The following GALNTL6 variants were observed in gnomAD, a reference collection of about 807,000 sequenced individuals.
The protein encoded by GALNTL6 is polypeptide N-acetylgalactosaminyltransferase-like 6.
GALNTL6 carries 46 observed loss-of-function variants against 73.7 expected under a neutral mutation model. The observed-to-expected ratio is 0.62, with a 90% confidence interval of 0.49 to 0.80. The LOEUF is 0.80. Ranked by LOEUF, GALNTL6 falls within the 30% of genes least tolerant of loss-of-function variation. The pLI is 0.00. For missense variants in GALNTL6, 604 were observed against 755.0 expected (o/e 0.80, Z 2.34); for synonymous variants, 259 against 263.7 (o/e 0.98, Z 0.17).
At chr4:172,939,131 G>A (rs1262269979) in intron 9 of GALNTL6, among the ~76,000 whole-genome samples, 1 of 147,130 alleles carries the variant, frequency 6.8e-6, no homozygotes, top group South Asian at 2.2e-4. Context: ...CTTTAAAAAA[G>A]TTTTTTTTTT....
At chr4:172,282,951 A>G (rs1437991658) in intron 3 of GALNTL6, among the ~76,000 whole-genome samples, 1 of 152,178 alleles carries the variant, frequency 6.6e-6, no homozygotes, top group African/African-American at 2.4e-5. Context: ...AATTAAGTGA[A>G]CTTCTAGGAG....
In GALNTL6 at chr4:172,370,608, G is replaced by A. The variant is rs983139422; in HGVS notation, c.553+21919G>A. Among the ~76,000 whole-genome samples, 60 of 136,216 alleles carry A rather than the reference G, an allele frequency of 4.4e-4. 1 individual carries two copies. The highest frequency in any genetic ancestry group is 1.5e-3 in the African/African-American group (51 of 34,420). The allele number at this position is 136,216 out of a possible 152,430, so 89.4% of individuals were successfully genotyped here. Reference sequence around the variant, plus strand: ...ATCACGCCACTGCACTCCAGCGTGGGCGACAGAGTGAGACTCCATCTCAAA... The same window carrying A: ...ATCACGCCACTGCACTCCAGCGTGGACGACAGAGTGAGACTCCATCTCAAA... On this transcript the variant is annotated intron_variant, in intron 5 of 12. Transcript: ENST00000506823.
At chr4:171,973,567 A>C (rs10021070) in intron 2 of GALNTL6, among the ~76,000 whole-genome samples, 3,798 of 152,242 alleles carry the variant, frequency 0.025, 148 homozygotes, top group African/African-American at 0.087. Flanking sequence ...CTATTGAATT[A>C]AGGCCCATCA....
chr4:172,495,684 C>G (rs1488110090), intron 5 of GALNTL6, among the ~76,000 whole-genome samples: 2 of 152,172 alleles, frequency 1.3e-5, no homozygotes, highest in East Asian at 3.9e-4. Context: ...CTTTGCTTTT[C>G]AATCATCAAT....
intron 5 of GALNTL6, among the ~76,000 whole-genome samples, chr4:172,755,252 A>AGATAGATAGAT: frequency 6.6e-6 from 1 of 151,592 alleles, no homozygotes; most frequent in South Asian, 2.1e-4. Flanking sequence ...ATAGATAGAT[A>AGATAGATAGAT]GATAGATAGA....
chr4:172,628,048 T>C (rs1171797370), intron 5 of GALNTL6, among the ~76,000 whole-genome samples: 1 of 152,024 alleles, frequency 6.6e-6, no homozygotes, highest in Non-Finnish European at 1.5e-5. Flanking sequence ...CTCTATGAAA[T>C]AAAGAAAAAT....
At chr4:171,913,178 G>T (rs1207000183) in intron 2 of GALNTL6, among the ~76,000 whole-genome samples, 2 of 152,148 alleles carry the variant, frequency 1.3e-5, no homozygotes, top group Admixed American at 6.5e-5. Flanking sequence ...AGCTGTTGGG[G>T]AACCAGATGC....
intron 2 of GALNTL6, among the ~76,000 whole-genome samples, chr4:172,123,492 A>C (rs1431015517): frequency 1.4e-5 from 2 of 142,200 alleles, no homozygotes. Context: ...AGTTTCAAAA[A>C]AGTCATAATT....
chr4:172,723,642 C>T (rs1735621649), intron 5 of GALNTL6, among the ~76,000 whole-genome samples: 1 of 152,098 alleles, frequency 6.6e-6, no homozygotes, highest in South Asian at 2.1e-4. Context: ...TAATGTGTTG[C>T]ATCAACTCTT....
intron 3 of GALNTL6, among the ~76,000 whole-genome samples, chr4:172,297,871 T>C (rs1739743720): frequency 1.3e-5 from 2 of 152,126 alleles, no homozygotes; most frequent in Non-Finnish European, 2.9e-5. Flanking sequence ...TAAAGTAGTT[T>C]TTTCCAATTC....
At chr4:172,264,125 G>A (rs1378929764) in intron 3 of GALNTL6, among the ~76,000 whole-genome samples, 1 of 151,546 alleles carries the variant, frequency 6.6e-6, no homozygotes, top group Non-Finnish European at 1.5e-5. Flanking sequence ...CAGAGATAAA[G>A]AAGGCCTGGG....
At chr4:172,337,832 G>T (rs1741399504) in intron 4 of GALNTL6, among the ~76,000 whole-genome samples, 1 of 151,530 alleles carries the variant, frequency 6.6e-6, no homozygotes, top group African/African-American at 2.4e-5. Context: ...CAAAATTAGA[G>T]AATTATTTTT....
In GALNTL6 at chr4:172,348,766, A is replaced by G. The variant is rs6824530; in HGVS notation, c.553+77A>G. 7,916 of 883,074 alleles carry G rather than the reference A, an allele frequency of 9.0e-3. 375 individuals are homozygous for G. The African/African-American group carries it at 0.11, about 13-fold the overall frequency. 54.7% of individuals were successfully genotyped at this position (883,074 alleles called of 1,614,324 possible). On this transcript the variant is annotated intron_variant, in intron 5 of 12. Coordinates refer to ENST00000506823, the MANE Select transcript of GALNTL6 (RefSeq NM_001034845.3). Reference sequence around the variant, plus strand: ...CATTAAGGACTTTTTAAAAAAGACAATGGGAGCTTCTTTCTGATTCCATCT... The same window carrying G: ...CATTAAGGACTTTTTAAAAAAGACAGTGGGAGCTTCTTTCTGATTCCATCT...
chr4:172,139,485 G>A (rs548712154), intron 2 of GALNTL6, among the ~76,000 whole-genome samples: 6 of 152,302 alleles, frequency 3.9e-5, no homozygotes, highest in South Asian at 2.1e-4. Flanking sequence ...TCACAGCCAA[G>A]AGTGTTAAAT....
chr4:172,859,490 G>A (rs949173531), intron 7 of GALNTL6, among the ~76,000 whole-genome samples: 3 of 151,940 alleles, frequency 2.0e-5, no homozygotes, highest in African/African-American at 7.3e-5. Context: ...ATCATCCTCC[G>A]AGACTTGCAC....
chr4:172,948,227 A>G (rs1340569645), intron 9 of GALNTL6, among the ~76,000 whole-genome samples: 1 of 152,180 alleles, frequency 6.6e-6, no homozygotes, highest in Non-Finnish European at 1.5e-5. Flanking sequence ...TGTTTTACTT[A>G]TGTTTAAATG....
intron 5 of GALNTL6, among the ~76,000 whole-genome samples, chr4:172,555,893 A>T (rs777044618): frequency 6.6e-6 from 1 of 152,134 alleles, no homozygotes; most frequent in Non-Finnish European, 1.5e-5. Flanking sequence ...CATATTTTGC[A>T]TTATGAGCAA....
intron 5 of GALNTL6, among the ~76,000 whole-genome samples, chr4:172,745,203 C>T (rs991792615): frequency 7.5e-6 from 1 of 132,996 alleles, no homozygotes; most frequent in African/African-American, 3.2e-5. Context: ...TGTAAAGTTT[C>T]TCTGTTAATT....
intron 5 of GALNTL6, among the ~76,000 whole-genome samples, chr4:172,495,662 A>G (rs1734049403): frequency 6.6e-6 from 1 of 152,162 alleles, no homozygotes; most frequent in Non-Finnish European, 1.5e-5. Context: ...TGGTGGGAAA[A>G]TGCCTTTAGT....
Sources: allele counts gnomAD v4.1 joint callset (sites outside exome capture counted in the v4.1 genomes callset), GRCh38; gene constraint gnomAD v4.1.1; transcripts MANE v1.5; gene names NCBI Gene and HGNC (gene_info 2026-07-23, HGNC 2026-07-21).